The following MED25 variants were observed in gnomAD, a reference collection of about 807,000 sequenced individuals.
MED25 encodes mediator of RNA polymerase II transcription subunit 25.
Under a neutral mutation model 89.4 loss-of-function variants are expected in MED25, and 62 were observed. The observed-to-expected ratio is 0.69, with a 90% confidence interval of 0.57 to 0.86. MED25 has a LOEUF of 0.86. Ranked by LOEUF, MED25 falls within the 40% of genes least tolerant of loss-of-function variation. The pLI is 0.00. For synonymous variants in MED25, 449 were observed against 427.9 expected, an observed-to-expected ratio of 1.05 and a Z score of -0.61; for missense variants, 905 against 1,005.2, an observed-to-expected ratio of 0.90 and a Z score of 1.35.
chr19:49,831,293 C>T lies in MED25; in HGVS notation c.1102-40C>T, dbSNP rs781062322. On this transcript the variant is annotated intron_variant, in intron 9 of 17. Transcript: ENST00000312865. The surrounding 1 kb of genome is among the most constrained non-coding windows in gnomAD (Gnocchi z 5.0). ...AGGATGGCCCCCGGAGGCTCCCGGC[C>T]TTCCCCATTCTCATGGCCCTCCTTC... 6.2e-7 allele frequency: 1 copy of T among 1,600,174 alleles called. No homozygotes were observed. The highest frequency in any genetic ancestry group is 8.5e-7 in the Non-Finnish European group (1 of 1,175,110).
At position 49,835,463 on chromosome 19, in the gene MED25, C is replaced by G; in HGVS notation, c.1675-71C>G. On this transcript the variant is annotated intron_variant, in intron 14 of 17. Coordinates refer to ENST00000312865, the MANE Select transcript of MED25 (RefSeq NM_030973.4). The surrounding 1 kb of genome is among the most constrained non-coding windows in gnomAD (Gnocchi z 6.2). Reference sequence around the variant, plus strand: ...CTCCTTACTAGTTCCCCTCAGGGCACAGGCCCTCCCGCCTCAGATTCAGGA... The same window carrying G: ...CTCCTTACTAGTTCCCCTCAGGGCAGAGGCCCTCCCGCCTCAGATTCAGGA... 2 of 1,431,200 alleles carry G rather than the reference C, an allele frequency of 1.4e-6. No homozygotes were observed. The highest frequency in any genetic ancestry group is 2.5e-5 in the East Asian group (1 of 40,088). 88.7% of individuals were successfully genotyped at this position (1,431,200 alleles called of 1,614,324 possible). A position where few individuals can be genotyped will look rare whatever the true frequency, so the allele number is the denominator to read the frequency against.
chr19:49,823,005 G>A (rs932839673), intron 3 of MED25, among the ~76,000 whole-genome samples: 1 of 152,138 alleles, frequency 6.6e-6, no homozygotes, highest in African/African-American at 2.4e-5. Context: ...TTGGAGTGCA[G>A]TGGTGGGATC....
At chr19:49,840,027 CTG>C (rs377480449), downstream of MED25, 9 of 152,340 alleles carry the variant, frequency 5.9e-5, no homozygotes, top group African/African-American at 1.7e-4. Context: ...TCCTGAATAT[CTG>C]TGTTTGGGAG....
rs774587834 is a variant in MED25 at position 49,830,134 on chromosome 19, C to T, written c.735C>T (p.Val245=). 1.9e-6 allele frequency: 3 copies of T among 1,606,546 alleles called. No individual in the cohort carries two copies. The highest frequency in any genetic ancestry group is 1.3e-5 in the African/African-American group (1 of 74,906). ...APGPLQSKQP[V]PLPPAAPSGA... ...GCCCCCTCCAGTCAAAGCAGCCAGT[C>T]CCCCTGCCTCCCGCCGCACCCTCAG... The change falls in exon 7 of 18, where the codon GTC becomes GTT. Residue 245 remains valine, a synonymous_variant. Coordinates refer to ENST00000312865, the MANE Select transcript of MED25 (RefSeq NM_030973.4). This position sits in a 1 kb window ranked among gnomAD's most constrained non-coding sequence, Gnocchi z 4.6.
At chr19:49,821,856 C>T (rs904533916) in intron 3 of MED25, among the ~76,000 whole-genome samples, 2 of 142,492 alleles carry the variant, frequency 1.4e-5, no homozygotes, top group African/African-American at 5.3e-5. Flanking sequence ...TGGCGGGGCA[C>T]GGTGGCTCAT....
At chr19:49,832,504 C>T (rs1348805692) in intron 13 of MED25, 89 bp downstream of exon 13, 1 of 814,772 alleles carries the variant, frequency 1.2e-6, no homozygotes, top group Admixed American at 2.0e-5. Flanking sequence ...TGCCTGGGCC[C>T]ACGGAAGCCG....
At position 49,828,953 on chromosome 19, in the gene MED25, T is replaced by C; in HGVS notation, c.405-17T>C. The C allele has an allele frequency of 6.2e-7, 1 of 1,613,914 alleles. No individual in the cohort carries two copies. Among genetic ancestry groups the C allele is most frequent in the East Asian group, 2.2e-5 (1 of 44,882 alleles). On this transcript the variant is annotated splice_polypyrimidine_tract_variant and intron_variant, in intron 4 of 17. Transcript: ENST00000312865. Reference sequence around the variant, plus strand: ...CTCTGTTGCTGCTGGCTCCATGTCTTCTCTCTTTCCTGGTAGTGGCCAGAC... The same window carrying C: ...CTCTGTTGCTGCTGGCTCCATGTCTCCTCTCTTTCCTGGTAGTGGCCAGAC...
At chr19:49,826,258 G>A (rs1253391037) in intron 3 of MED25, among the ~76,000 whole-genome samples, 2 of 152,340 alleles carry the variant, frequency 1.3e-5, no homozygotes, top group African/African-American at 2.4e-5. Flanking sequence ...GGAGAATGGC[G>A]TGAATCCGGG....
At chr19:49,821,298 T>C (rs1478137421) in intron 3 of MED25, among the ~76,000 whole-genome samples, 2 of 152,148 alleles carry the variant, frequency 1.3e-5, no homozygotes, top group Non-Finnish European at 2.9e-5. Context: ...TCTCTTGTTT[T>C]TGAGGAAGGG....
At chr19:49,827,795 T>C (rs2074025334) in intron 3 of MED25, among the ~76,000 whole-genome samples, 2 of 152,094 alleles carry the variant, frequency 1.3e-5, no homozygotes, top group Non-Finnish European at 2.9e-5. Context: ...AGGACTGATT[T>C]GGAGCAGACA....
In MED25 at chr19:49,831,099, C is replaced by T. The variant is rs112463736; in HGVS notation, c.1101+212C>T. On this transcript the variant is annotated intron_variant, in intron 9 of 17. Coordinates refer to ENST00000312865, the MANE Select transcript of MED25 (RefSeq NM_030973.4). This position sits in a 1 kb window ranked among gnomAD's most constrained non-coding sequence, Gnocchi z 5.0. ...GGCTCCAGGAGGGTCAGGGCTGTTCCGAGAAACCCAAGGAATCCCTGGGTC... is the reference window on the plus strand; with the variant it reads ...GGCTCCAGGAGGGTCAGGGCTGTTCTGAGAAACCCAAGGAATCCCTGGGTC... Among the ~76,000 whole-genome samples, 39 of 152,200 alleles carry T rather than the reference C, an allele frequency of 2.6e-4. No individual in the cohort carries two copies. The highest frequency in any genetic ancestry group is 1.4e-3 in the East Asian group (7 of 5,184).
Position 49,836,804 on chromosome 19 carries a change from AG to A in MED25, c.2147-40del. 1 of 1,514,718 alleles carries A rather than the reference AG, an allele frequency of 6.6e-7. No individual in the cohort carries two copies. Among genetic ancestry groups the A allele is most frequent in the Non-Finnish European group, 9.1e-7 (1 of 1,095,788 alleles). 93.8% of individuals were successfully genotyped at this position (1,514,718 alleles called of 1,614,324 possible). ...GTGCCTCTGGGCCCTCCTGGGCCCA[AG>A]GGCCTACTGGGAGATGCAGTCCCTT... is the stretch of plus-strand genomic sequence containing the variant. On this transcript the variant is annotated intron_variant, in intron 17 of 17. Transcript: ENST00000312865. The surrounding 1 kb of genome is among the most constrained non-coding windows in gnomAD (Gnocchi z 5.1).
chr19:49,819,254 C>A lies in MED25; in HGVS notation c.263C>A (p.Thr88Asn). The change falls in exon 3 of 18, where the codon ACC becomes AAC. Residue 88 changes from threonine to asparagine, a missense_variant. Thr to Asn is a moderately conservative substitution (Grantham distance 65). This residue lies in a region of MED25 where 501 missense variants were observed against 526.9 expected (regional missense o/e 0.95). Coordinates refer to ENST00000312865, the MANE Select transcript of MED25 (RefSeq NM_030973.4). ...TCCTACGTACAATGTCACGCTCCCA[C>A]CAGCAGCGCCTATGAGTTTGTCACC... ...PESYVQCHAP[T>N]SSAYEFVTWL... 6.2e-7 allele frequency: 1 copy of A among 1,614,246 alleles called. No homozygotes were observed. Among genetic ancestry groups the A allele is most frequent in the Non-Finnish European group, 8.5e-7 (1 of 1,180,044 alleles).
At chr19:49,838,389 A>G (rs1004471879), downstream of MED25, 3 of 358,748 alleles carry the variant, frequency 8.4e-6, no homozygotes, top group Non-Finnish European at 1.7e-5. Flanking sequence ...CTGCCTGGCA[A>G]CAATGGGCTG....
intron 3 of MED25, among the ~76,000 whole-genome samples, chr19:49,823,101 A>G (rs1445793033): frequency 1.3e-5 from 2 of 152,126 alleles, no homozygotes; most frequent in African/African-American, 2.4e-5. Context: ...GGTGGGCACC[A>G]CCATGCATGG....
Position 49,830,409 on chromosome 19 carries a change from C to A in MED25, c.820-102C>A. 1 of 1,283,384 alleles carries A rather than the reference C, an allele frequency of 7.8e-7. No homozygotes were observed. Among genetic ancestry groups the A allele is most frequent in the Non-Finnish European group, 1.1e-6 (1 of 893,962 alleles). 79.5% of individuals were successfully genotyped at this position (1,283,384 alleles called of 1,614,324 possible). A position where few individuals can be genotyped will look rare whatever the true frequency, so the allele number is the denominator to read the frequency against. ...GGTGTTGTGAGCTAAGCTATCCCAG[C>A]TGGTGCCTCATGGGGCCATGGGTGG... is the stretch of plus-strand genomic sequence containing the variant. On this transcript the variant is annotated intron_variant, in intron 7 of 17. Coordinates refer to ENST00000312865, the MANE Select transcript of MED25 (RefSeq NM_030973.4). The surrounding 1 kb of genome is among the most constrained non-coding windows in gnomAD (Gnocchi z 4.6).
Position 49,830,827 on chromosome 19 carries a change from C to G in MED25, c.1041C>G (p.Val347=), listed in dbSNP as rs1555802298. Residue 347 remains valine, a synonymous_variant, in exon 9 of 18, where the codon GTC becomes GTG. Coordinates refer to ENST00000312865, the MANE Select transcript of MED25 (RefSeq NM_030973.4). This position sits in a 1 kb window ranked among gnomAD's most constrained non-coding sequence, Gnocchi z 4.6. ...CACCTGCTTCCCAGCCCAGTCTGGT[C>G]TCCACTGTGGCCCCTGGCTCCGGCC... is the stretch of plus-strand genomic sequence containing the variant. ...KPPPASQPSL[V]STVAPGSGLA... is the part of the protein sequence containing the mutation. 1 of 1,613,286 alleles carries G rather than the reference C, an allele frequency of 6.2e-7. No individual in the cohort carries two copies. The highest frequency in any genetic ancestry group is 2.2e-5 in the East Asian group (1 of 44,870).
intron 3 of MED25, among the ~76,000 whole-genome samples, chr19:49,823,601 A>G (rs1382102154): frequency 6.6e-6 from 1 of 152,130 alleles, no homozygotes; most frequent in African/African-American, 2.4e-5. Flanking sequence ...TCTGCAGTCA[A>G]GGTTCATTAA....
In MED25 at chr19:49,836,631, C is replaced by T. The variant is rs1359220863; in HGVS notation, c.2147-216C>T. ...TCCCATGATCCTCCTGTGTGTGCTC[C>T]TGGGATTGCTGGGAAATGTGGTCTT... On this transcript the variant is annotated intron_variant, in intron 17 of 17. Coordinates refer to ENST00000312865, the MANE Select transcript of MED25 (RefSeq NM_030973.4). This position sits in a 1 kb window ranked among gnomAD's most constrained non-coding sequence, Gnocchi z 5.1. 5.4e-6 allele frequency: 4 copies of T among 739,982 alleles called. No homozygotes were observed. The highest frequency in any genetic ancestry group is 9.7e-6 in the Non-Finnish European group (4 of 411,276). The allele number at this position is 739,982 out of a possible 1,614,324, so 45.8% of individuals were successfully genotyped here.
Sources: allele counts gnomAD v4.1 joint callset (sites outside exome capture counted in the v4.1 genomes callset), GRCh38; gene constraint gnomAD v4.1.1; regional missense constraint gnomAD v4.1.1; non-coding constraint Gnocchi (gnomAD v3.1); transcripts MANE v1.5; gene names NCBI Gene and HGNC (gene_info 2026-07-23, HGNC 2026-07-21).